Variants in FLVCR2 observed in about 807,000 individuals in gnomAD.
FLVCR2 encodes choline/ethanolamine transporter FLVCR2.
A neutral mutation model predicts 48.9 loss-of-function variants in FLVCR2; 38 were observed. That is an observed-to-expected ratio of 0.78 (90% CI 0.60 to 1.02). The LOEUF (loss-of-function observed/expected upper bound fraction) is 1.02, where lower values mean the gene tolerates loss of function less well. Among genes scored for constraint, FLVCR2 ranks in the 50% least tolerant of loss-of-function variants. FLVCR2 has a pLI of 0.00. For missense variants in FLVCR2, 664 were observed against 663.3 expected, an observed-to-expected ratio of 1.00 and a Z score of -0.01; for synonymous variants, 255 against 257.0, an observed-to-expected ratio of 0.99 and a Z score of 0.07.
chr14:75,612,102 G>A (rs769286787), intron 1 of FLVCR2, among the ~76,000 whole-genome samples: 2 of 150,582 alleles, frequency 1.3e-5, no homozygotes, highest in Non-Finnish European at 1.5e-5. Context: ...ATGGAGTGAA[G>A]TGTTGCCCCC....
intron 1 of FLVCR2, among the ~76,000 whole-genome samples, chr14:75,617,695 C>G (rs1014745258): frequency 2.9e-4 from 44 of 152,346 alleles, no homozygotes; most frequent in African/African-American, 9.9e-4. Context: ...AAAGCTCATA[C>G]ATTTTACTAT....
rs1232790317 is a variant in FLVCR2, at chr14:75,616,325, C to CA, written c.670-5742dup. Among the ~76,000 whole-genome samples the CA allele has an allele frequency of 2.6e-3, 348 of 133,554 alleles. 1 individual carries two copies. Among genetic ancestry groups the CA allele is most frequent in the African/African-American group, 8.4e-3 (302 of 36,084 alleles). 87.6% of individuals were successfully genotyped at this position (133,554 alleles called of 152,430 possible). ...CTGGCGACAGAGTGAGACTCTGTCTCAAAAAAAAAAAATTTTTTTTAATTT... is the reference window on the plus strand; with the variant it reads ...CTGGCGACAGAGTGAGACTCTGTCTCAAAAAAAAAAAAATTTTTTTTAATTT... On this transcript the variant is annotated intron_variant, in intron 1 of 9. Transcript: ENST00000238667.
Position 75,582,626 on chromosome 14 carries a change from G to A in FLVCR2, c.669+2985G>A, listed in dbSNP as rs185516104. ...TACAGGGTGTGGTCCCGGCTGTTGT[G>A]TAAGAATTTTGATGGCACAGCCCTG... is the stretch of plus-strand genomic sequence containing the variant. On this transcript the variant is annotated intron_variant, in intron 1 of 9. Coordinates refer to ENST00000238667, the MANE Select transcript of FLVCR2 (RefSeq NM_017791.3). Among the ~76,000 whole-genome samples, 398 of 152,300 alleles carry A rather than the reference G, an allele frequency of 2.6e-3. 2 individuals are homozygous for A. Among genetic ancestry groups the A allele is most frequent in the African/African-American group, 8.3e-3 (346 of 41,568 alleles).
chr14:75,579,766 G>A, intron 1 of FLVCR2, 125 bp downstream of exon 1: 1 of 1,043,872 alleles, frequency 9.6e-7, no homozygotes, highest in East Asian at 2.6e-5. Context: ...ACAGTAACTG[G>A]GTGTGACAGG....
rs138384384 is a variant in FLVCR2, at chr14:75,616,718, G to A, written c.670-5361G>A. ...TGCCTTTGTCTGAATAGCACAGCAC[G>A]TTGGGAGAGGAATGAGTTTCAGTAG... is the stretch of plus-strand genomic sequence containing the variant. On this transcript the variant is annotated intron_variant, in intron 1 of 9. Transcript: ENST00000238667. Among the ~76,000 whole-genome samples the A allele has an allele frequency of 1.8e-3, 274 of 152,272 alleles. 1 individual carries two copies. Among genetic ancestry groups the A allele is most frequent in the African/African-American group, 6.3e-3 (261 of 41,546 alleles).
chr14:75,610,252 A>G (rs1175523594), intron 1 of FLVCR2, among the ~76,000 whole-genome samples: 2 of 152,180 alleles, frequency 1.3e-5, no homozygotes, highest in Non-Finnish European at 2.9e-5. Context: ...AAGAAAAGGC[A>G]GTGGATTCTT....
intron 1 of FLVCR2, among the ~76,000 whole-genome samples, chr14:75,614,187 C>T (rs1884438180): frequency 6.6e-6 from 1 of 152,192 alleles, no homozygotes; most frequent in African/African-American, 2.4e-5. Context: ...TTATGAGGCT[C>T]TTATTTTAAA....
At chr14:75,640,896 C>G in intron 6 of FLVCR2, 59 bp from the exon 7 acceptor site, 5 of 1,224,548 alleles carry the variant, frequency 4.1e-6, no homozygotes, top group Non-Finnish European at 6.1e-6. Context: ...GAGGTGGGCT[C>G]CCCATCCTTC....
At chr14:75,642,085 T>G in intron 9 of FLVCR2, 187 bp downstream of exon 9, 1 of 621,732 alleles carries the variant, frequency 1.6e-6, no homozygotes, top group Non-Finnish European at 2.9e-6. Flanking sequence ...ATTGCGTTCT[T>G]GCTACTGCTA....
intron 6 of FLVCR2, among the ~76,000 whole-genome samples, chr14:75,640,143 C>T (rs148328880): frequency 0.016 from 2,405 of 151,352 alleles, 79 homozygotes; most frequent in African/African-American, 0.055. Context: ...CCTGTAGTCC[C>T]AGCTACTTGG....
chr14:75,631,391 C>T (rs1356614223), intron 3 of FLVCR2, among the ~76,000 whole-genome samples: 1 of 152,166 alleles, frequency 6.6e-6, no homozygotes, highest in Non-Finnish European at 1.5e-5. Flanking sequence ...GGAACAGAGA[C>T]CACACTTTGG....
At chr14:75,622,309 C>G in intron 2 of FLVCR2, 89 bp downstream of exon 2, 1 of 1,245,620 alleles carries the variant, frequency 8.0e-7, no homozygotes, top group Non-Finnish European at 1.2e-6. Context: ...TGAACATGCC[C>G]TGAAATACCA....
At chr14:75,608,637 A>T (rs1889358640) in intron 1 of FLVCR2, among the ~76,000 whole-genome samples, 3 of 152,192 alleles carry the variant, frequency 2.0e-5, no homozygotes, top group Non-Finnish European at 1.5e-5. Flanking sequence ...AGTGGCAATG[A>T]TCGATGGTAA....
chr14:75,633,631 C>G lies in FLVCR2; in HGVS notation c.955C>G (p.Leu319Val). 1.9e-6 allele frequency: 3 copies of G among 1,613,732 alleles called. No individual in the cohort carries two copies. The highest frequency in any genetic ancestry group is 2.5e-6 in the Non-Finnish European group (3 of 1,179,612). The change falls in exon 4 of 10, where the codon CTG becomes GTG. Residue 319 changes from leucine (L) to valine (V), a missense_variant and splice_region_variant. By Grantham distance (32) the Leu-to-Val change is conservative. Transcript: ENST00000238667. ...NFVLLVITYG[L>V]NAGAFYALST... The stretch of plus-strand genomic sequence containing the variant: ...GTATTTCTCGCTCCCTTCTTCAGGT[C>G]TGAATGCTGGTGCTTTTTATGCCTT...
intron 1 of FLVCR2, among the ~76,000 whole-genome samples, chr14:75,616,283 C>T (rs942812461): frequency 6.7e-6 from 1 of 149,172 alleles, no homozygotes; most frequent in Non-Finnish European, 1.5e-5. Context: ...GCCAAGATTG[C>T]GCCACTGCAC....
Position 75,625,999 on chromosome 14 carries a change from T to C in FLVCR2, c.952+1247T>C, listed in dbSNP as rs117439384. Among the ~76,000 whole-genome samples the C allele has an allele frequency of 3.5e-4, 53 of 151,974 alleles. No individual in the cohort carries two copies. The East Asian group carries it at 9.8e-3, about 28-fold the overall frequency. The stretch of plus-strand genomic sequence containing the variant: ...CAAAGTCTCATTCTTTTGCTTTTTT[T>C]CTTTTTTTTAAGACAGAGTTTGCCT... On this transcript the variant is annotated intron_variant, in intron 3 of 9. Transcript: ENST00000238667.
At chr14:75,608,399 C>T (rs565597330) in intron 1 of FLVCR2, among the ~76,000 whole-genome samples, 50 of 152,304 alleles carry the variant, frequency 3.3e-4, no homozygotes, top group Middle Eastern at 6.8e-3. Flanking sequence ...GGAAACTGAC[C>T]GCTTGCTGCA....
chr14:75,606,470 C>T (rs1889293095), intron 1 of FLVCR2, among the ~76,000 whole-genome samples: 1 of 152,170 alleles, frequency 6.6e-6, no homozygotes, highest in Non-Finnish European at 1.5e-5. Context: ...CCCATTTGAG[C>T]ACACCCAGGA....
At chr14:75,628,613 G>A (rs1889964769) in intron 3 of FLVCR2, among the ~76,000 whole-genome samples, 1 of 152,198 alleles carries the variant, frequency 6.6e-6, no homozygotes, top group African/African-American at 2.4e-5. Context: ...CACATGTACT[G>A]GACATGGGTG....
Sources: allele counts gnomAD v4.1 joint callset (sites outside exome capture counted in the v4.1 genomes callset), GRCh38; gene constraint gnomAD v4.1.1; transcripts MANE v1.5; gene names NCBI Gene and HGNC (gene_info 2026-07-23, HGNC 2026-07-21).